Variants in CPS1 observed in about 807,000 individuals in gnomAD.
The protein encoded by CPS1 is carbamoyl-phosphate synthase [ammonia], mitochondrial.
CPS1 carries 109 observed loss-of-function variants against 174.6 expected under a neutral mutation model. That is an observed-to-expected ratio of 0.62 (90% confidence interval 0.53 to 0.73). The LOEUF (loss-of-function observed/expected upper bound fraction) is 0.73, where lower values mean the gene tolerates loss of function less well. Ranked by LOEUF, CPS1 falls within the 30% of genes least tolerant of loss-of-function variation. CPS1 has a pLI of 0.00. For synonymous variants in CPS1, 637 were observed against 632.0 expected (o/e 1.01, Z -0.12); for missense variants, 1,689 against 1,821.9 (o/e 0.93, Z 1.33).
At chr2:210,668,757 G>A (rs890042220) in intron 34 of CPS1, among the ~76,000 whole-genome samples, 1 of 151,982 alleles carries the variant, frequency 6.6e-6, no homozygotes, top group Non-Finnish European at 1.5e-5. Flanking sequence ...GCTACCACCT[G>A]TAAATTTACA....
intron 1 of CPS1, among the ~76,000 whole-genome samples, chr2:210,571,639 T>A (rs1187404773): frequency 6.6e-6 from 1 of 151,986 alleles, no homozygotes; most frequent in East Asian, 1.9e-4. Flanking sequence ...CAAGACATTA[T>A]TTTACATTGC....
intron 1 of CPS1, among the ~76,000 whole-genome samples, chr2:210,546,660 T>A (rs1309669053): frequency 6.6e-6 from 1 of 152,132 alleles, no homozygotes; most frequent in Admixed American, 6.5e-5. Context: ...CTAAGTGATT[T>A]GCAGTCTATT....
At chr2:210,640,423 C>T (rs1359399181) in intron 24 of CPS1, among the ~76,000 whole-genome samples, 1 of 152,178 alleles carries the variant, frequency 6.6e-6, no homozygotes, top group South Asian at 2.1e-4. Flanking sequence ...GGACTTTATA[C>T]ATTAGCCAGA....
chr2:210,509,010 A>C lies in CPS1; in HGVS notation c.3+31244A>C, dbSNP rs983698081. On this transcript the variant is annotated intron_variant, in intron 1 of 38. Coordinates refer to the CPS1 transcript ENST00000430249. ...ATTCCAATCAATAGAAAAAGAGGGAATCCTCCCTAACTCATTTTATGAGGC... is the reference window on the plus strand; with the variant it reads ...ATTCCAATCAATAGAAAAAGAGGGACTCCTCCCTAACTCATTTTATGAGGC... Among the ~76,000 whole-genome samples the C allele has an allele frequency of 2.4e-4, 36 of 152,276 alleles. No individual in the cohort carries two copies. In the East Asian group the frequency reaches 4.1e-3, roughly 17 times the overall value.
chr2:210,553,754 T>C (rs1031858558), upstream of CPS1, among the ~76,000 whole-genome samples: 2 of 152,048 alleles, frequency 1.3e-5, no homozygotes, highest in African/African-American at 4.8e-5. Flanking sequence ...ACTAAATTTT[T>C]TCATGTCTGA....
chr2:210,513,480 A>G (rs189014358), intron 1 of CPS1, among the ~76,000 whole-genome samples: 1 of 151,820 alleles, frequency 6.6e-6, no homozygotes, highest in Admixed American at 6.6e-5. Context: ...CATACGTTGT[A>G]TGTCTTCTTG....
chr2:210,529,799 C>T (rs1696071821), intron 1 of CPS1, among the ~76,000 whole-genome samples: 2 of 151,920 alleles, frequency 1.3e-5, no homozygotes, highest in Non-Finnish European at 2.9e-5. Flanking sequence ...TTGGTTTCAT[C>T]TTAACTGCAT....
intron 24 of CPS1, 133 bp downstream of exon 24, chr2:210,640,192 G>T: frequency 1.5e-6 from 1 of 652,490 alleles, no homozygotes; most frequent in African/African-American, 1.8e-5. Context: ...TAGGAAGCTG[G>T]GGTTCAGAAA....
chr2:210,628,410 C>A (rs1337479872), intron 21 of CPS1, among the ~76,000 whole-genome samples: 1 of 152,196 alleles, frequency 6.6e-6, no homozygotes, highest in Non-Finnish European at 1.5e-5. Context: ...CTAAAAATAA[C>A]TTCTCCTTTT....
At position 210,600,576 on chromosome 2, in the gene CPS1, G is replaced by T. The variant is rs397514748; in HGVS notation, c.1571G>T (p.Gly524Val). ...TTAGGAGTGGAACTATTCAAGAGAG[G>T]TGTGCTCAAGGAATATGGTGTGAAA... The part of the protein sequence containing the change: ...LNCGVELFKR[G>V]VLKEYGVKVL... Residue 524 changes from glycine (G) to valine (V), a missense_variant, in exon 15 of 38, where the codon GGT becomes GTT. Gly to Val is a moderately radical substitution (Grantham distance 109, BLOSUM62 -3). Coordinates refer to ENST00000233072, the MANE Select transcript of CPS1 (RefSeq NM_001875.5). 6.2e-7 allele frequency: 1 copy of T among 1,611,984 alleles called. No homozygotes were observed. Among genetic ancestry groups the T allele is most frequent in the Non-Finnish European group, 8.5e-7 (1 of 1,178,782 alleles).
intron 21 of CPS1, among the ~76,000 whole-genome samples, chr2:210,637,053 T>C (rs1042939741): frequency 6.6e-6 from 1 of 152,144 alleles, no homozygotes; most frequent in African/African-American, 2.4e-5. Context: ...AAAGTTCATA[T>C]GCATAAAGAC....
rs538628298 is a variant in CPS1, at chr2:210,588,691, C to G, written c.711+544C>G. The stretch of plus-strand genomic sequence containing the variant: ...TTAGGATTTTTCCTTCTCCTCACTC[C>G]TCTCTCAGTCTGTCTCTGTCTACAC... On this transcript the variant is annotated intron_variant, in intron 7 of 37. Coordinates refer to ENST00000233072, the MANE Select transcript of CPS1 (RefSeq NM_001875.5). Among the ~76,000 whole-genome samples, 8 of 151,944 alleles carry G rather than the reference C, an allele frequency of 5.3e-5. No individual in the cohort carries two copies. The South Asian group carries it at 6.2e-4, about 12-fold the overall frequency.
intron 36 of CPS1, 120 bp downstream of exon 36, chr2:210,675,960 A>G: frequency 1.4e-6 from 1 of 704,950 alleles, no homozygotes; most frequent in Admixed American, 2.0e-5. Flanking sequence ...AAATGAATAC[A>G]TTTGTGGATG....
At chr2:210,674,868 T>C in intron 34 of CPS1, 34 bp from the exon 35 acceptor site, 1 of 1,564,066 alleles carries the variant, frequency 6.4e-7, no homozygotes, top group African/African-American at 1.4e-5. Context: ...AGCATGTATA[T>C]CTAGAAAGTG....
intron 4 of CPS1, among the ~76,000 whole-genome samples, chr2:210,577,739 G>C (rs927883083): frequency 3.9e-5 from 6 of 152,074 alleles, no homozygotes; most frequent in African/African-American, 1.2e-4. Flanking sequence ...ATACATGCTT[G>C]GTAGCACTTC....
chr2:210,537,080 T>G lies in CPS1; in HGVS notation c.4-19639T>G, dbSNP rs528001063. ...CCAGATGCATTTAAATAGGAATTTC[T>G]TAAACTTTTGTACTTTGACATGCTG... On this transcript the variant is annotated intron_variant, in intron 1 of 38. Transcript: ENST00000430249. 9.8e-4 allele frequency among the ~76,000 whole-genome samples: 150 copies of G among 152,338 alleles called. 3 individuals carry two copies. The highest frequency in any genetic ancestry group is 1.2e-3 in the Non-Finnish European group (82 of 68,024).
intron 20 of CPS1, among the ~76,000 whole-genome samples, chr2:210,614,047 G>A (rs762612542): frequency 6.6e-6 from 1 of 151,922 alleles, no homozygotes; most frequent in Non-Finnish European, 1.5e-5. Context: ...TTGCTCTGAG[G>A]TCTGATTTTT....
intron 1 of CPS1, among the ~76,000 whole-genome samples, chr2:210,560,931 A>T (rs1697077971): frequency 1.3e-5 from 2 of 152,166 alleles, no homozygotes; most frequent in African/African-American, 4.8e-5. Flanking sequence ...TCTATGGCAA[A>T]CTACATTTTT....
intron 23 of CPS1, among the ~76,000 whole-genome samples, chr2:210,639,641 A>G (rs1002641338): frequency 2.0e-5 from 3 of 150,232 alleles, no homozygotes; most frequent in Non-Finnish European, 4.4e-5. Context: ...AAAAAAAAAA[A>G]AAAGGCATCA....
Sources: gnomAD v4.1 joint callset for allele counts (sites outside exome capture counted in the v4.1 genomes callset) on GRCh38, gnomAD v4.1.1 for gene constraint, MANE v1.5 for transcripts, NCBI Gene and HGNC (gene_info 2026-07-23, HGNC 2026-07-21) for gene names.